The following CDH3 variants were observed in gnomAD, a reference collection of about 807,000 sequenced individuals.
CDH3 encodes the protein cadherin 3.
Under a neutral mutation model 82.0 loss-of-function variants are expected in CDH3, and 54 were observed. The observed-to-expected ratio is 0.66, with a 90% CI of 0.53 to 0.83. The LOEUF is 0.83. Among genes scored for constraint, CDH3 ranks in the 40% least tolerant of loss-of-function variants. The pLI is 0.00. For missense variants in CDH3, 1,054 were observed against 1,084.6 expected, an observed-to-expected ratio of 0.97 and a Z score of 0.40; for synonymous variants, 446 against 437.9, an observed-to-expected ratio of 1.02 and a Z score of -0.23.
intron 12 of CDH3, among the ~76,000 whole-genome samples, chr16:68,688,554 C>T (rs1961480195): frequency 6.6e-6 from 1 of 150,488 alleles, no homozygotes; most frequent in Admixed American, 6.6e-5. Context: ...TGCCACTGTA[C>T]TCCAGCCTGG....
chr16:68,710,963 G>A (rs1286677805), intron 1 of CDH3, among the ~76,000 whole-genome samples: 3 of 100,286 alleles, frequency 3.0e-5, no homozygotes, highest in Non-Finnish European at 6.2e-5. Context: ...GGGGAGGGGA[G>A]GGGAAGGAGG....
chr16:68,658,793 G>A (rs1395632817), intron 2 of CDH3, among the ~76,000 whole-genome samples: 2 of 152,240 alleles, frequency 1.3e-5, no homozygotes, highest in Non-Finnish European at 2.9e-5. Flanking sequence ...CCTCAGCTGG[G>A]ACTTAGCCCC....
Position 68,691,897 on chromosome 16 carries a change from C to T in CDH3, c.1973C>T (p.Pro658Leu), listed in dbSNP as rs1225179316. The stretch of plus-strand genomic sequence containing the variant: ...CCCTGGAAGGGAGGTTTCATCCTCC[C>T]TGTGCTGGGGGCTGTCCTGGCTCTG... Reference protein sequence around the residue: ...PGPWKGGFILPVLGAVLALLF... With the variant: ...PGPWKGGFILLVLGAVLALLF... Residue 658 changes from proline to leucine, a missense_variant, in exon 13 of 16, where the codon CCT becomes CTT. Transcript: ENST00000264012. 2 of 1,613,808 alleles carry T rather than the reference C, an allele frequency of 1.2e-6. No homozygotes were observed. Among genetic ancestry groups the T allele is most frequent in the East Asian group, 2.2e-5 (1 of 44,888 alleles).
At chr16:68,660,149 C>CG (rs1960521617) in intron 2 of CDH3, among the ~76,000 whole-genome samples, 1 of 152,128 alleles carries the variant, frequency 6.6e-6, no homozygotes, top group African/African-American at 2.4e-5. Flanking sequence ...GAAAGATGAT[C>CG]GAGTGAACTG....
chr16:68,669,875 C>T lies in CDH3; in HGVS notation c.161-6510C>T, dbSNP rs192197295. Among the ~76,000 whole-genome samples, 877 of 152,054 alleles carry T rather than the reference C, an allele frequency of 5.8e-3. 11 individuals are homozygous for T. Among genetic ancestry groups the T allele is most frequent in the African/African-American group, 0.02 (832 of 41,486 alleles). ...GGCTCATGCCTGTAATCCCAGCACC[C>T]TGGGAGGCCAAGGTGGGAGGGTCAC... On this transcript the variant is annotated intron_variant, in intron 2 of 15. Transcript: ENST00000264012.
downstream of CDH3, among the ~76,000 whole-genome samples, chr16:68,727,637 G>A (rs1489933606): frequency 1.3e-5 from 2 of 152,068 alleles, no homozygotes; most frequent in Admixed American, 6.6e-5. Flanking sequence ...GGCTCGGTGC[G>A]GTGGCTCATG....
intron 2 of CDH3, among the ~76,000 whole-genome samples, chr16:68,724,496 C>T (rs1378148470): frequency 6.6e-6 from 1 of 151,878 alleles, no homozygotes; most frequent in Non-Finnish European, 1.5e-5. Flanking sequence ...CATGGTGGCA[C>T]ATACCTGTTA....
intron 2 of CDH3, among the ~76,000 whole-genome samples, chr16:68,655,938 T>C (rs1204710446): frequency 6.6e-6 from 1 of 152,148 alleles, no homozygotes; most frequent in Non-Finnish European, 1.5e-5. Context: ...TGCTGACATG[T>C]TCTTGGAGAA....
chr16:68,657,533 T>C (rs1027892031), intron 2 of CDH3, among the ~76,000 whole-genome samples: 30 of 152,088 alleles, frequency 2.0e-4, no homozygotes, highest in African/African-American at 5.6e-4. Context: ...AACGTCTTCC[T>C]TTCTCCCTCG....
At chr16:68,688,734 A>T (rs1893340543) in intron 12 of CDH3, among the ~76,000 whole-genome samples, 2 of 152,140 alleles carry the variant, frequency 1.3e-5, no homozygotes, top group Non-Finnish European at 2.9e-5. Flanking sequence ...TCAAGCAATT[A>T]TCCCTGCCTG....
chr16:68,731,668 C>T (rs1962295338), downstream of CDH3, among the ~76,000 whole-genome samples: 1 of 150,744 alleles, frequency 6.6e-6, no homozygotes, highest in Admixed American at 6.7e-5. Context: ...GAAACCCCGT[C>T]TCTACAAAAA....
At chr16:68,731,042 AAAAAAAT>A (rs1962278446), downstream of CDH3, among the ~76,000 whole-genome samples, 3 of 31,454 alleles carry the variant, frequency 9.5e-5, no homozygotes, top group African/African-American at 1.9e-4. Flanking sequence ...AAAAAAAAAA[AAAAAAAT>A]ATATATATAT....
At chr16:68,675,399 GC>G in intron 2 of CDH3, among the ~76,000 whole-genome samples, 1 of 152,286 alleles carries the variant, frequency 6.6e-6, no homozygotes, top group Non-Finnish European at 1.5e-5. Context: ...CTGATTTCTT[GC>G]GTTGGCCATA....
intron 1 of CDH3, among the ~76,000 whole-genome samples, chr16:68,711,435 G>A (rs1289931935): frequency 1.3e-5 from 2 of 152,188 alleles, no homozygotes; most frequent in African/African-American, 4.8e-5. Flanking sequence ...ACTTGGAGGC[G>A]GCTGGGGGAC....
At chr16:68,731,393 A>AT (rs1434831223), downstream of CDH3, among the ~76,000 whole-genome samples, 18 of 6,600 alleles carry the variant, frequency 2.7e-3, 4 homozygotes, top group East Asian at 0.012. Context: ...AAAAAAAAAA[A>AT]AAATATATAT....
rs555945951 is a variant in CDH3 at position 68,646,392 on chromosome 16, A to G, written c.160+642A>G. 6.6e-5 allele frequency among the ~76,000 whole-genome samples: 10 copies of G among 152,086 alleles called. No homozygotes were observed. The South Asian group carries it at 2.1e-3, about 32-fold the overall frequency. Reference sequence around the variant, plus strand: ...CCCAGCGTCTGGGGCCTGGGATGCTAGGTCACTGGGGGGAGTTTGAGGGGG... The same window carrying G: ...CCCAGCGTCTGGGGCCTGGGATGCTGGGTCACTGGGGGGAGTTTGAGGGGG... On this transcript the variant is annotated intron_variant, in intron 2 of 15. Coordinates refer to ENST00000264012, the MANE Select transcript of CDH3 (RefSeq NM_001793.6).
intron 1 of CDH3, 43 bp downstream of exon 1, chr16:68,645,467 T>TG (rs1960024155): frequency 3.1e-6 from 5 of 1,602,360 alleles, no homozygotes; most frequent in African/African-American, 1.3e-5. Context: ...GACCGCTCCC[T>TG]GGGGGGCGGG....
intron 1 of CDH3, 34 bp from the exon 2 acceptor site, chr16:68,645,602 C>T (rs763935577): frequency 2.4e-5 from 37 of 1,520,390 alleles, no homozygotes; most frequent in Middle Eastern, 2.1e-4. Context: ...CACGCCTGGA[C>T]CCAGCCTCCT....
intron 2 of CDH3, among the ~76,000 whole-genome samples, chr16:68,653,835 G>T (rs973817835): frequency 2.0e-5 from 3 of 150,070 alleles, no homozygotes. Context: ...GACTACAGGC[G>T]CCCGCAACCA....
Sources: allele counts gnomAD v4.1 joint callset (sites outside exome capture counted in the v4.1 genomes callset), GRCh38; gene constraint gnomAD v4.1.1; transcripts MANE v1.5; gene names NCBI Gene and HGNC (gene_info 2026-07-23, HGNC 2026-07-21).